The following PKD1L1 variants were observed in gnomAD, a reference collection of about 807,000 sequenced individuals.
PKD1L1 encodes polycystin-1-like protein 1.
In PKD1L1, 236 loss-of-function variants were observed where a neutral mutation model predicts 323.4. The ratio of observed to expected loss-of-function variants is 0.73; its 90% confidence interval spans 0.66 to 0.81. The LOEUF is 0.81. Ranked by LOEUF, PKD1L1 falls within the 40% of genes least tolerant of loss-of-function variation. PKD1L1 has a pLI of 0.00. For missense variants in PKD1L1, 3,320 were observed against 3,508.0 expected, an observed-to-expected ratio of 0.95 and a Z score of 1.35; for synonymous variants, 1,344 against 1,335.0, an observed-to-expected ratio of 1.01 and a Z score of -0.15.
intron 17 of PKD1L1, 121 bp from the exon 18 acceptor site, chr7:47,886,175 C>T (rs1786680409): frequency 7.5e-7 from 1 of 1,325,500 alleles, no homozygotes; most frequent in African/African-American, 1.5e-5. Context: ...AATTTGAAAA[C>T]CTACACTTAA....
At chr7:47,785,851 C>T (rs1786794502) in intron 56 of PKD1L1, among the ~76,000 whole-genome samples, 2 of 151,534 alleles carry the variant, frequency 1.3e-5, no homozygotes, top group Admixed American at 1.3e-4. Context: ...AAGCAATTCT[C>T]CTGCCTCAGC....
chr7:47,818,134 G>A (rs1264790432), intron 46 of PKD1L1: 1 of 1,367,880 alleles, frequency 7.3e-7, no homozygotes, highest in Admixed American at 1.9e-5. Context: ...AGGGTGGAAT[G>A]AAGCAACAGA....
intron 7 of PKD1L1, among the ~76,000 whole-genome samples, chr7:47,916,487 T>G (rs564588018): frequency 3.3e-5 from 5 of 152,258 alleles, no homozygotes; most frequent in South Asian, 4.2e-4. Flanking sequence ...GAGGCTCGCA[T>G]AGTCAATTTT....
At chr7:47,938,579 G>A (rs1489243987) in intron 3 of PKD1L1, among the ~76,000 whole-genome samples, 2 of 152,216 alleles carry the variant, frequency 1.3e-5, no homozygotes, top group Non-Finnish European at 2.9e-5. Context: ...AGGAGCTGGT[G>A]TATGGCCCTG....
rs1489538916 is a variant in PKD1L1 at position 47,800,763 on chromosome 7, A to AAAATG, written c.8074_8078dup (p.Pro2694IlefsTer30). 6.2e-7 allele frequency: 1 copy of AAAATG among 1,614,164 alleles called. No homozygotes were observed. Among genetic ancestry groups the AAAATG allele is most frequent in the Admixed American group, 1.7e-5 (1 of 60,020 alleles). On this transcript the variant is annotated frameshift_variant, in exon 54 of 57. Transcript: ENST00000289672. LOFTEE classifies it high-confidence loss of function. ...GGCAGTCTTTTTGGCTTCTTCTGGGAAAATGAAACAGCAGCCCGGGGAAGG... is the reference window on the plus strand; with the variant it reads ...GGCAGTCTTTTTGGCTTCTTCTGGGAAAATGAAATGAAACAGCAGCCCGGGGAAGG...
intron 56 of PKD1L1, among the ~76,000 whole-genome samples, chr7:47,778,663 A>G (rs1437081829): frequency 6.6e-6 from 1 of 152,192 alleles, no homozygotes; most frequent in Non-Finnish European, 1.5e-5. Flanking sequence ...AAATGAGACT[A>G]TGTATTACTG....
At chr7:47,911,778 C>T (rs1787326475) in intron 8 of PKD1L1, among the ~76,000 whole-genome samples, 1 of 151,990 alleles carries the variant, frequency 6.6e-6, no homozygotes. Context: ...AGAAAACGTC[C>T]TAAAGTGAGA....
intron 9 of PKD1L1, among the ~76,000 whole-genome samples, chr7:47,906,827 T>TA (rs1333093182): frequency 1.3e-5 from 2 of 152,076 alleles, no homozygotes; most frequent in Non-Finnish European, 2.9e-5. Flanking sequence ...ATATGATAAA[T>TA]AAATATCACA....
At chr7:47,836,108 C>T (rs1024824169) in intron 37 of PKD1L1, among the ~76,000 whole-genome samples, 1 of 152,182 alleles carries the variant, frequency 6.6e-6, no homozygotes, top group Non-Finnish European at 1.5e-5. Context: ...TCCCTTCCTG[C>T]TACTTGATGA....
rs572750465 is a variant in PKD1L1 at position 47,799,321 on chromosome 7, C to T, written c.8193+1328G>A. Among the ~76,000 whole-genome samples, 345 of 152,246 alleles carry T rather than the reference C, an allele frequency of 2.3e-3. 1 individual carries two copies. The highest frequency in any genetic ancestry group is 3.7e-3 in the Non-Finnish European group (250 of 68,020). On this transcript the variant is annotated intron_variant, in intron 54 of 56. Coordinates refer to ENST00000289672, the MANE Select transcript of PKD1L1 (RefSeq NM_138295.5). ...GGATCATTGATAAAAGCAAAGGACT[C>T]GGGCCTGAGTGTTGTCAAGGTGTGA...
intron 53 of PKD1L1, 112 bp from the exon 54 acceptor site, chr7:47,800,991 G>C (rs1784649884): frequency 2.1e-6 from 2 of 937,552 alleles, no homozygotes; most frequent in Non-Finnish European, 3.3e-6. Context: ...AGTTTTGGGA[G>C]TGTGGATCAA....
At chr7:47,785,083 T>C (rs1786777875) in intron 56 of PKD1L1, among the ~76,000 whole-genome samples, 1 of 152,180 alleles carries the variant, frequency 6.6e-6, no homozygotes, top group Non-Finnish European at 1.5e-5. Flanking sequence ...AGAATGATCA[T>C]TTTTAGTTAA....
At position 47,895,312 on chromosome 7, in the gene PKD1L1, C is replaced by T. The variant is rs571195597; in HGVS notation, c.2272-1253G>A. Among the ~76,000 whole-genome samples the T allele has an allele frequency of 9.6e-4, 147 of 152,364 alleles. 2 individuals carry two copies. Among genetic ancestry groups the T allele is most frequent in the African/African-American group, 3.5e-3 (144 of 41,570 alleles). Reference sequence around the variant, plus strand: ...AGTGGCTCCCAGCTCATAGCCAAACCTCCTTCGGAGCTCCCATTACCTGGC... The same window carrying T: ...AGTGGCTCCCAGCTCATAGCCAAACTTCCTTCGGAGCTCCCATTACCTGGC... On this transcript the variant is annotated intron_variant, in intron 14 of 56. Transcript: ENST00000289672.
rs74725205 is a variant in PKD1L1 at position 47,887,977 on chromosome 7, T to C, written c.2836+13A>G. Reference sequence around the variant, plus strand: ...CCCTCAGAAAACAAAATAAAGCTATTAATCCTTTTTACCTTCTATCCTATT... The same window carrying C: ...CCCTCAGAAAACAAAATAAAGCTATCAATCCTTTTTACCTTCTATCCTATT... On this transcript the variant is annotated intron_variant, in intron 17 of 56. Coordinates refer to ENST00000289672, the MANE Select transcript of PKD1L1 (RefSeq NM_138295.5). The C allele has an allele frequency of 0.016, 25,053 of 1,596,982 alleles. 1,058 individuals are homozygous for C. In the African/African-American group the frequency reaches 0.16, roughly 10 times the overall value.
Position 47,943,531 on chromosome 7 carries a change from CAG to C in PKD1L1, c.45-22_45-21del, listed in dbSNP as rs1160539405. On this transcript the variant is annotated intron_variant, in intron 1 of 56. Coordinates refer to ENST00000289672, the MANE Select transcript of PKD1L1 (RefSeq NM_138295.5). ...AGACACCTAAGGGAAAGAAAATAAC[CAG>C]AGGAAAATTAAATTAAGTACAATCG... 6.3e-7 allele frequency: 1 copy of C among 1,585,092 alleles called. No homozygotes were observed. Among genetic ancestry groups the C allele is most frequent in the African/African-American group, 1.3e-5 (1 of 74,260 alleles).
At chr7:47,894,875 C>T (rs116451895) in intron 14 of PKD1L1, among the ~76,000 whole-genome samples, 3,065 of 150,350 alleles carry the variant, frequency 0.02, 115 homozygotes, top group African/African-American at 0.07. Flanking sequence ...AAAAAACTGA[C>T]GCAATTTGAA....
chr7:47,945,538 A>G (rs1327857555), intron 1 of PKD1L1, among the ~76,000 whole-genome samples: 1 of 152,206 alleles, frequency 6.6e-6, no homozygotes, highest in African/African-American at 2.4e-5. Flanking sequence ...GCCTACTCTC[A>G]ACTATGCTTG....
intron 46 of PKD1L1, among the ~76,000 whole-genome samples, chr7:47,818,734 G>C (rs1785076639): frequency 6.6e-6 from 1 of 152,158 alleles, no homozygotes; most frequent in African/African-American, 2.4e-5. Context: ...GATAAAATCA[G>C]CTGTTATTTT....
At chr7:47,894,583 G>T (rs908986621) in intron 14 of PKD1L1, among the ~76,000 whole-genome samples, 3 of 152,204 alleles carry the variant, frequency 2.0e-5, no homozygotes, top group Admixed American at 6.5e-5. Context: ...AGGCGCGGTG[G>T]TTCATGCCTG....
Sources: allele counts gnomAD v4.1 joint callset (sites outside exome capture counted in the v4.1 genomes callset), GRCh38; gene constraint gnomAD v4.1.1; transcripts MANE v1.5; gene names NCBI Gene and HGNC (gene_info 2026-07-23, HGNC 2026-07-21).